Variants in BMPR1A observed in about 807,000 individuals in gnomAD.
The protein encoded by BMPR1A is bone morphogenetic protein receptor type-1A.
A neutral mutation model predicts 66.0 loss-of-function variants in BMPR1A; 7 were observed. That is an observed-to-expected ratio of 0.11 (90% confidence interval 0.06 to 0.20). The LOEUF (loss-of-function observed/expected upper bound fraction) is 0.20. Among genes scored for constraint, BMPR1A ranks in the 10% least tolerant of loss-of-function variants. The pLI, the probability that BMPR1A is intolerant of heterozygous loss-of-function variation, is 1.00. For missense variants in BMPR1A, 408 were observed against 669.1 expected (o/e 0.61, Z 4.31); for synonymous variants, 200 against 229.7 (o/e 0.87, Z 1.17).
chr10:86,816,056 G>A (rs1398590632), intron 1 of BMPR1A, among the ~76,000 whole-genome samples: 1 of 152,178 alleles, frequency 6.6e-6, no homozygotes, highest in East Asian at 1.9e-4. Context: ...ATTACATGAG[G>A]CAGAAATAAA....
At chr10:86,929,065 G>A (rs1463492543), downstream of BMPR1A, 1 of 151,708 alleles carries the variant, frequency 6.6e-6, no homozygotes, top group East Asian at 1.9e-4. Context: ...TAAGAAGATG[G>A]AGTAATTTCT....
intron 1 of BMPR1A, among the ~76,000 whole-genome samples, chr10:86,787,823 C>T (rs113064412): frequency 0.017 from 2,535 of 152,144 alleles, 75 homozygotes; most frequent in African/African-American, 0.058. Flanking sequence ...GAGGGGAATG[C>T]CACATGCTTC....
chr10:86,797,060 TTTC>T lies in BMPR1A; in HGVS notation c.-268+40144_-268+40146del, dbSNP rs1326471399. On this transcript the variant is annotated intron_variant, in intron 1 of 12. Coordinates refer to ENST00000372037, the MANE Select transcript of BMPR1A (RefSeq NM_004329.3). ...ACTCTTATTTTTCCTTTCTTTTTCTTTTCTTTTCTTTTTTTTTTTTTTTTGAGA... is the reference window on the plus strand; with the variant it reads ...ACTCTTATTTTTCCTTTCTTTTTCTTTTTTCTTTTTTTTTTTTTTTTGAGA... Among the ~76,000 whole-genome samples, 14 of 127,712 alleles carry T rather than the reference TTTC, an allele frequency of 1.1e-4. No homozygotes were observed. In the South Asian group the frequency reaches 2.9e-3, roughly 26 times the overall value. The allele number at this position is 127,712 out of a possible 152,430, so 83.8% of individuals were successfully genotyped here. A position where few individuals can be genotyped will look rare whatever the true frequency, so the allele number is the denominator to read the frequency against.
chr10:86,827,227 TTTTTAAGCTTTTCCTG>T (rs1221442349), intron 1 of BMPR1A, among the ~76,000 whole-genome samples: 4 of 152,180 alleles, frequency 2.6e-5, no homozygotes, highest in Admixed American at 2.6e-4. Flanking sequence ...CATACTTTTT[TTTTTAAGCTTTTCCTG>T]TTTTTGAGCT....
At chr10:86,774,744 G>T (rs1392544494) in intron 1 of BMPR1A, among the ~76,000 whole-genome samples, 1 of 152,106 alleles carries the variant, frequency 6.6e-6, no homozygotes, top group African/African-American at 2.4e-5. Flanking sequence ...GATAAAGCTA[G>T]CCCAAGATTC....
At chr10:86,856,219 C>T in intron 2 of BMPR1A, 1 of 525,350 alleles carries the variant, frequency 1.9e-6, no homozygotes, top group Non-Finnish European at 3.8e-6. Flanking sequence ...TTGTAGTGAG[C>T]AGGTGTAATG....
At chr10:86,774,588 G>A (rs910822353) in intron 1 of BMPR1A, among the ~76,000 whole-genome samples, 2 of 152,164 alleles carry the variant, frequency 1.3e-5, no homozygotes, top group African/African-American at 2.4e-5. Flanking sequence ...GATGCTCTTT[G>A]AAGCTGGCCA....
chr10:86,911,028 A>G (rs1843473509), intron 7 of BMPR1A, among the ~76,000 whole-genome samples: 1 of 151,920 alleles, frequency 6.6e-6, no homozygotes, highest in Admixed American at 6.6e-5. Flanking sequence ...AGTGGAACAT[A>G]CCAGTAGTCC....
At chr10:86,911,605 C>G (rs1843486427) in intron 7 of BMPR1A, among the ~76,000 whole-genome samples, 1 of 151,964 alleles carries the variant, frequency 6.6e-6, no homozygotes, top group African/African-American at 2.4e-5. Context: ...AAAAGATTAG[C>G]TGGGCATGGT....
rs368240372 is a variant in BMPR1A, at chr10:86,891,957, A to G, written c.231-170A>G. On this transcript the variant is annotated intron_variant, in intron 4 of 12. Coordinates refer to ENST00000372037, the MANE Select transcript of BMPR1A (RefSeq NM_004329.3). ...AGATCTTGGCTCAGACATAACTTTC[A>G]TTTGTCTTAAAACCTCTGGCGTTGC... is the stretch of plus-strand genomic sequence containing the variant. 1.3e-4 allele frequency among the ~76,000 whole-genome samples: 20 copies of G among 152,350 alleles called. 1 individual carries two copies. The highest frequency in any genetic ancestry group is 3.9e-4 in the Admixed American group (6 of 15,306).
At chr10:86,850,953 C>A (rs940813114) in intron 2 of BMPR1A, among the ~76,000 whole-genome samples, 1 of 152,100 alleles carries the variant, frequency 6.6e-6, no homozygotes, top group African/African-American at 2.4e-5. Context: ...TTTCTTATGT[C>A]ATAATATAAA....
At chr10:86,904,300 T>C (rs761115283) in intron 7 of BMPR1A, among the ~76,000 whole-genome samples, 4 of 152,212 alleles carry the variant, frequency 2.6e-5, no homozygotes, top group Non-Finnish European at 5.9e-5. Flanking sequence ...AGGCACATGA[T>C]AATTGTATTG....
At chr10:86,759,571 T>C (rs1190917543) in intron 1 of BMPR1A, among the ~76,000 whole-genome samples, 5 of 152,258 alleles carry the variant, frequency 3.3e-5, no homozygotes. Flanking sequence ...ATATCTTGTC[T>C]GTAGCCAACA....
rs560368373 is a variant in BMPR1A, at chr10:86,775,428, A to ATG, written c.-268+18511_-268+18512dup. Among the ~76,000 whole-genome samples, 590 of 152,260 alleles carry ATG rather than the reference A, an allele frequency of 3.9e-3. 2 individuals are homozygous for ATG. The highest frequency in any genetic ancestry group is 7.5e-3 in the African/African-American group (312 of 41,556). ...CTGCTTATCTCAACACGAAAGTCAA[A>ATG]TGTTGTGAAGGGTGGACACAAGGCT... On this transcript the variant is annotated intron_variant, in intron 1 of 12. Transcript: ENST00000372037.
intron 1 of BMPR1A, among the ~76,000 whole-genome samples, chr10:86,806,813 G>A (rs907588848): frequency 6.6e-6 from 1 of 151,912 alleles, no homozygotes; most frequent in African/African-American, 2.4e-5. Context: ...GCCTCCCAAA[G>A]TCCTGGGATT....
intron 2 of BMPR1A, among the ~76,000 whole-genome samples, chr10:86,857,320 G>T (rs1218982412): frequency 6.6e-6 from 1 of 152,100 alleles, no homozygotes; most frequent in Non-Finnish European, 1.5e-5. Flanking sequence ...AGTAACAAAG[G>T]CATTCCTACT....
At chr10:86,805,897 GT>G (rs77099282) in intron 1 of BMPR1A, among the ~76,000 whole-genome samples, 3,684 of 132,260 alleles carry the variant, frequency 0.028, 40 homozygotes, top group Admixed American at 0.033. Flanking sequence ...CAACTGAGGT[GT>G]TTTTTTTTTT....
intron 2 of BMPR1A, chr10:86,855,172 G>T: frequency 2.1e-6 from 1 of 477,500 alleles, no homozygotes; most frequent in East Asian, 3.4e-5. Context: ...TCAACCTGCT[G>T]GGATTACAGG....
intron 2 of BMPR1A, among the ~76,000 whole-genome samples, chr10:86,843,913 G>C (rs1439301537): frequency 6.6e-6 from 1 of 152,126 alleles, no homozygotes; most frequent in Non-Finnish European, 1.5e-5. Flanking sequence ...ATTCAATCAG[G>C]GTGGTGATTG....
Sources: gnomAD v4.1 joint callset for allele counts (sites outside exome capture counted in the v4.1 genomes callset) on GRCh38, gnomAD v4.1.1 for gene constraint, MANE v1.5 for transcripts, NCBI Gene and HGNC (gene_info 2026-07-23, HGNC 2026-07-21) for gene names.